The following PTPRR variants were observed in gnomAD, a reference collection of about 807,000 sequenced individuals.
The protein encoded by PTPRR is protein tyrosine phosphatase receptor type R.
Under a neutral mutation model 77.2 loss-of-function variants are expected in PTPRR, and 38 were observed. The observed-to-expected ratio is 0.49, with a 90% confidence interval of 0.38 to 0.65. The LOEUF is 0.65. Ranked by LOEUF, PTPRR falls within the 30% of genes least tolerant of loss-of-function variation. The pLI, the probability that PTPRR is intolerant of heterozygous loss-of-function variation, is 0.00. For synonymous variants in PTPRR, 299 were observed against 283.1 expected (o/e 1.06, Z -0.57); for missense variants, 744 against 799.2 (o/e 0.93, Z 0.83).
intron 6 of PTPRR, among the ~76,000 whole-genome samples, chr12:70,723,640 A>G (rs1889336719): frequency 6.6e-6 from 1 of 152,224 alleles, no homozygotes; most frequent in Non-Finnish European, 1.5e-5. Flanking sequence ...GGTTGCAAAT[A>G]AAACTTTCAA....
intron 6 of PTPRR, among the ~76,000 whole-genome samples, chr12:70,743,931 G>A (rs934281973): frequency 1.3e-5 from 2 of 152,122 alleles, no homozygotes; most frequent in Admixed American, 6.5e-5. Flanking sequence ...AATTGGTAGT[G>A]CATGATGATA....
chr12:70,893,297 T>G (rs889622830), intron 1 of PTPRR, among the ~76,000 whole-genome samples: 7 of 152,016 alleles, frequency 4.6e-5, no homozygotes, highest in African/African-American at 1.7e-4. Flanking sequence ...CTACTTGGGC[T>G]TCTATTCCTG....
chr12:70,772,830 A>G (rs1298214636), intron 2 of PTPRR, among the ~76,000 whole-genome samples: 2 of 152,194 alleles, frequency 1.3e-5, no homozygotes, highest in Non-Finnish European at 2.9e-5. Context: ...TATCAAACAC[A>G]ATCAGTAACA....
At position 70,676,624 on chromosome 12, in the gene PTPRR, T is replaced by A. The variant is rs181662904; in HGVS notation, c.1497+7503A>T. On this transcript the variant is annotated intron_variant, in intron 10 of 13. Transcript: ENST00000283228. ...TATTCATATTAATGTGATACTTCAG[T>A]GCATGTATATATGGGTTAATGATCA... Among the ~76,000 whole-genome samples, 413 of 152,204 alleles carry A rather than the reference T, an allele frequency of 2.7e-3. 5 individuals carry two copies. Among genetic ancestry groups the A allele is most frequent in the Non-Finnish European group, 2.0e-3 (137 of 67,934 alleles).
intron 2 of PTPRR, among the ~76,000 whole-genome samples, chr12:70,838,358 T>G (rs1188890534): frequency 1.3e-5 from 2 of 152,210 alleles, no homozygotes; most frequent in African/African-American, 4.8e-5. Context: ...GGCTACTAAC[T>G]GTTTAGCATT....
At position 70,865,769 on chromosome 12, in the gene PTPRR, C is replaced by T. The variant is rs1280529155; in HGVS notation, c.357+26910G>A. Reference sequence around the variant, plus strand: ...CTGTTGTAAACTCAGATACTTAATACAGGGTCCAAGCAGTTCAAACAAATG... The same window carrying T: ...CTGTTGTAAACTCAGATACTTAATATAGGGTCCAAGCAGTTCAAACAAATG... On this transcript the variant is annotated intron_variant, in intron 2 of 13. Coordinates refer to ENST00000283228, the MANE Select transcript of PTPRR (RefSeq NM_002849.4). 2.0e-5 allele frequency among the ~76,000 whole-genome samples: 3 copies of T among 152,146 alleles called. No individual in the cohort carries two copies. In the East Asian group the frequency reaches 5.8e-4, roughly 29 times the overall value.
chr12:70,656,663 A>C (rs773957471), intron 13 of PTPRR, 41 bp downstream of exon 13: 1 of 1,400,294 alleles, frequency 7.1e-7, no homozygotes, highest in African/African-American at 1.4e-5. Context: ...CAGGCTGTGA[A>C]TGAAAACAGT....
rs562011738 is a variant in PTPRR at position 70,707,713 on chromosome 12, G to A, written c.1008-6390C>T. The stretch of plus-strand genomic sequence containing the variant: ...GTCAGTGGGCACTCGCAGTGTGGAA[G>A]AGGCATGAAGACAGACTCTTGGAGC... On this transcript the variant is annotated intron_variant, in intron 6 of 13. Transcript: ENST00000283228. Among the ~76,000 whole-genome samples, 3 of 152,066 alleles carry A rather than the reference G, an allele frequency of 2.0e-5. No homozygotes were observed. The South Asian group carries it at 6.2e-4, about 32-fold the overall frequency.
intron 2 of PTPRR, among the ~76,000 whole-genome samples, chr12:70,878,950 T>C (rs1328572240): frequency 6.6e-6 from 1 of 152,118 alleles, no homozygotes; most frequent in African/African-American, 2.4e-5. Context: ...ATGTCCTTTG[T>C]AGGGACATGG....
chr12:70,857,360 A>C (rs1892671076), intron 2 of PTPRR, among the ~76,000 whole-genome samples: 1 of 152,138 alleles, frequency 6.6e-6, no homozygotes, highest in Non-Finnish European at 1.5e-5. Context: ...TTTAACTGTC[A>C]ATTAGGTCAT....
rs192948494 is a variant in PTPRR at position 70,861,203 on chromosome 12, T to C, written c.357+31476A>G. Among the ~76,000 whole-genome samples the C allele has an allele frequency of 5.3e-5, 8 of 152,274 alleles. No homozygotes were observed. In the East Asian group the frequency reaches 1.4e-3, roughly 26 times the overall value. On this transcript the variant is annotated intron_variant, in intron 2 of 13. Transcript: ENST00000283228. ...TCCATAGAGGAAAGTCCTCTTGGCC[T>C]AGCAGGGAATGAGAGGTGGGATGCT...
In PTPRR at chr12:70,754,295, C is replaced by T. The variant is rs1384010919; in HGVS notation, c.634G>A (p.Val212Ile). 1.2e-6 allele frequency: 2 copies of T among 1,613,036 alleles called. No homozygotes were observed. Among genetic ancestry groups the T allele is most frequent in the East Asian group, 4.5e-5 (2 of 44,884 alleles). ...TCCGCTTCATGCTGCCCTTGTAAAA[C>T]ATTTTTCTTTAAAAGCAAAACAGAA... ...GITEVSPEKNVLQGQHEADKI... is the reference protein window; with the variant it reads ...GITEVSPEKNILQGQHEADKI... The change falls in exon 5 of 14, where the codon GTT (valine) becomes ATT (isoleucine). Residue 212 changes from valine (V) to isoleucine (I), a missense_variant. By Grantham distance (29) the Val-to-Ile change is conservative. Transcript: ENST00000283228.
chr12:70,746,168 G>A (rs745740299), intron 5 of PTPRR, 82 bp from the exon 6 acceptor site: 29 of 1,312,514 alleles, frequency 2.2e-5, no homozygotes, highest in Middle Eastern at 2.7e-4. Flanking sequence ...CACCCTGGCC[G>A]ACAAACCAAA....
chr12:70,844,122 A>T (rs1376387984), intron 2 of PTPRR, among the ~76,000 whole-genome samples: 3 of 152,046 alleles, frequency 2.0e-5, no homozygotes, highest in Non-Finnish European at 4.4e-5. Flanking sequence ...GGCTTAAAAA[A>T]ATTATCGAAT....
chr12:70,656,400 C>A (rs1378053760), intron 13 of PTPRR, among the ~76,000 whole-genome samples: 2 of 151,926 alleles, frequency 1.3e-5, no homozygotes, highest in Non-Finnish European at 2.9e-5. Context: ...GCATGGCGCA[C>A]ACCTGTAGTC....
intron 10 of PTPRR, among the ~76,000 whole-genome samples, chr12:70,682,590 G>A (rs1328609338): frequency 6.6e-6 from 1 of 151,734 alleles, no homozygotes; most frequent in African/African-American, 2.4e-5. Flanking sequence ...AACTGGTTTT[G>A]TAGTGAGAGG....
chr12:70,872,717 A>AAAAAAAAAAAAAAAAAAAAAAAC (rs1892982767), intron 2 of PTPRR, among the ~76,000 whole-genome samples: 1 of 144,690 alleles, frequency 6.9e-6, no homozygotes, highest in African/African-American at 2.5e-5. Flanking sequence ...AAAAAAAAAA[A>AAAAAAAAAAAAAAAAAAAAAAAC]AAACAATCCA....
At chr12:70,788,730 A>T (rs886307050) in intron 2 of PTPRR, 12 of 903,132 alleles carry the variant, frequency 1.3e-5, no homozygotes, top group Non-Finnish European at 1.9e-5. Context: ...ACATGAACAG[A>T]TATAGACATA....
At chr12:70,702,316 T>A (rs1251322137) in intron 6 of PTPRR, among the ~76,000 whole-genome samples, 3 of 151,998 alleles carry the variant, frequency 2.0e-5, no homozygotes, top group African/African-American at 7.2e-5. Context: ...AGGATTGAAG[T>A]CAGAGATGGT....
Sources: gnomAD v4.1 joint callset for allele counts (sites outside exome capture counted in the v4.1 genomes callset) on GRCh38, gnomAD v4.1.1 for gene constraint, MANE v1.5 for transcripts, NCBI Gene and HGNC (gene_info 2026-07-23, HGNC 2026-07-21) for gene names.